The following USP9X variants were observed in gnomAD, a reference collection of about 807,000 sequenced individuals.
The protein encoded by USP9X is ubiquitin specific peptidase 9 X-linked, also known as ubiquitin carboxyl-terminal hydrolase 9X.
In USP9X, 7 loss-of-function variants were observed where a neutral mutation model predicts 190.3. That is an observed-to-expected ratio of 0.04 (90% confidence interval 0.02 to 0.07). The LOEUF (loss-of-function observed/expected upper bound fraction) is 0.07, where lower values mean the gene tolerates loss of function less well. Among genes scored for constraint, USP9X ranks in the 10% least tolerant of loss-of-function variants. The pLI, the probability that USP9X is intolerant of heterozygous loss-of-function variation, is 1.00. For synonymous variants in USP9X, 645 were observed against 659.5 expected (o/e 0.98, Z 0.34); for missense variants, 1,010 against 1,916.9 (o/e 0.53, Z 8.83).
At chrX:41,098,355 G>A (rs1452854304) in intron 1 of USP9X, among the ~76,000 whole-genome samples, 1 of 110,721 alleles carries the variant, frequency 9.0e-6, no homozygotes, top group East Asian at 2.8e-4. Flanking sequence ...GGCCAGGCTG[G>A]TCTCGAACTG....
At chrX:41,104,091 G>A (rs112668885) in intron 1 of USP9X, among the ~76,000 whole-genome samples, 23 of 111,548 alleles carry the variant, frequency 2.1e-4, no homozygotes, top group African/African-American at 6.8e-4. Context: ...TTTTGAGACA[G>A]GTTCTCGCTC....
intron 21 of USP9X, among the ~76,000 whole-genome samples, chrX:41,182,877 G>A (rs2062839829): frequency 9.1e-6 from 1 of 109,926 alleles, no homozygotes; most frequent in Non-Finnish European, 1.9e-5. Context: ...TGAAAAATTT[G>A]TAAGATAATG....
At chrX:41,137,884 T>C (rs769385884) in intron 6 of USP9X, among the ~76,000 whole-genome samples, 2 of 111,085 alleles carry the variant, frequency 1.8e-5, no homozygotes, top group Admixed American at 9.6e-5. Context: ...AATTTTACTT[T>C]TTTTTTTTCT....
rs187338444 is a variant in USP9X, at chrX:41,178,569, A to G, written c.3149-5429A>G. Among the ~76,000 whole-genome samples, 31 of 111,905 alleles carry G rather than the reference A, an allele frequency of 2.8e-4. No homozygotes were observed. In the East Asian group the frequency reaches 8.4e-3, roughly 30 times the overall value. On this transcript the variant is annotated intron_variant, in intron 21 of 44. Transcript: ENST00000378308. ...TTCAAGTCTTTTGCCCATTTTAAAA[A>G]TCGGATTTTTTGCTGTTGAGTTCCT...
intron 35 of USP9X, 146 bp downstream of exon 35, chrX:41,216,798 T>C: frequency 2.9e-6 from 2 of 686,791 alleles, no homozygotes; most frequent in Non-Finnish European, 4.1e-6. Context: ...ATCCCAGCAC[T>C]TTGGGAGGCC....
Position 41,190,925 on chromosome X carries a change from T to A in USP9X, c.3977+1450T>A, listed in dbSNP as rs192452777. Reference sequence around the variant, plus strand: ...TTTGAGTTTTAAGTACCTGATTTTTTATAAATATCTGAATACCTATGTAGG... The same window carrying A: ...TTTGAGTTTTAAGTACCTGATTTTTAATAAATATCTGAATACCTATGTAGG... On this transcript the variant is annotated intron_variant, in intron 26 of 44. Coordinates refer to ENST00000378308, the MANE Select transcript of USP9X (RefSeq NM_001039591.3). Among the ~76,000 whole-genome samples, 716 of 112,057 alleles carry A rather than the reference T, an allele frequency of 6.4e-3. 6 individuals are homozygous for A. Among genetic ancestry groups the A allele is most frequent in the African/African-American group, 0.02 (614 of 30,880 alleles).
chrX:41,125,094 G>A (rs1421803834), intron 2 of USP9X, among the ~76,000 whole-genome samples: 1 of 111,246 alleles, frequency 9.0e-6, no homozygotes, highest in Non-Finnish European at 1.9e-5. Flanking sequence ...TTTTAATTTG[G>A]AGATGGGGTC....
chrX:41,219,005 T>A, intron 37 of USP9X, 97 bp from the exon 38 acceptor site: 3 of 874,254 alleles, frequency 3.4e-6, no homozygotes, highest in Non-Finnish European at 3.1e-6. Flanking sequence ...TCCATAAATG[T>A]ATGCCTGTAT....
chrX:41,197,563 T>G, intron 29 of USP9X, 53 bp downstream of exon 29: 1 of 1,055,209 alleles, frequency 9.5e-7, no homozygotes, highest in Non-Finnish European at 1.3e-6. Flanking sequence ...TCTAAATGTT[T>G]ATAATCAAAT....
intron 14 of USP9X, among the ~76,000 whole-genome samples, chrX:41,160,433 A>G (rs1249350096): frequency 9.0e-6 from 1 of 110,695 alleles, no homozygotes; most frequent in African/African-American, 3.3e-5. Flanking sequence ...TTTATTGATT[A>G]GCTGTCAGCT....
intron 5 of USP9X, among the ~76,000 whole-genome samples, chrX:41,135,976 GATA>G (rs2147032557): frequency 9.0e-6 from 1 of 111,138 alleles, no homozygotes; most frequent in East Asian, 2.8e-4. Context: ...TTGTCAAGCA[GATA>G]ATATTTTTGT....
intron 26 of USP9X, among the ~76,000 whole-genome samples, chrX:41,195,012 T>C (rs1288730018): frequency 1.8e-5 from 2 of 110,903 alleles, no homozygotes; most frequent in African/African-American, 3.3e-5. Flanking sequence ...AGAGAAAATA[T>C]GGTATTGTGA....
intron 41 of USP9X, among the ~76,000 whole-genome samples, chrX:41,227,005 A>G (rs991535510): frequency 8.9e-6 from 1 of 111,790 alleles, no homozygotes; most frequent in African/African-American, 3.3e-5. Flanking sequence ...AGTTAATCAC[A>G]TCTTAGCTCT....
rs373779114 is a variant in USP9X at position 41,163,829 on chromosome X, G to A, written c.1985+952G>A. 7.2e-5 allele frequency among the ~76,000 whole-genome samples: 8 copies of A among 110,772 alleles called. No individual in the cohort carries two copies. The East Asian group carries it at 2.2e-3, about 31-fold the overall frequency. On this transcript the variant is annotated intron_variant, in intron 15 of 44. Coordinates refer to ENST00000378308, the MANE Select transcript of USP9X (RefSeq NM_001039591.3). ...AAGAGCTTGTTTAGATTACAAGTGT[G>A]CTAACAGAAATGCCCAGATTATCAC...
chrX:41,134,294 G>A (rs1448228098), intron 4 of USP9X, among the ~76,000 whole-genome samples: 3 of 112,246 alleles, frequency 2.7e-5, no homozygotes, highest in African/African-American at 9.7e-5. Flanking sequence ...AAGATATAAA[G>A]AAACAGAGAC....
chrX:41,171,790 G>T, intron 20 of USP9X, 48 bp from the exon 21 acceptor site: 1 of 1,173,655 alleles, frequency 8.5e-7, no homozygotes, highest in South Asian at 1.8e-5. Context: ...TTTATAAAAC[G>T]GGAGTAAATA....
intron 38 of USP9X, among the ~76,000 whole-genome samples, chrX:41,220,590 A>C (rs1380557533): frequency 8.9e-6 from 1 of 112,635 alleles, no homozygotes; most frequent in Non-Finnish European, 1.9e-5. Context: ...AGAAATAAAG[A>C]CTATAAGTAG....
chrX:41,209,877 G>A (rs2063143886), intron 32 of USP9X, among the ~76,000 whole-genome samples: 1 of 111,581 alleles, frequency 9.0e-6, no homozygotes, highest in Non-Finnish European at 1.9e-5. Flanking sequence ...ACATTATTCT[G>A]TATATACAAA....
intron 4 of USP9X, among the ~76,000 whole-genome samples, chrX:41,134,357 T>C (rs2063266058): frequency 8.9e-6 from 1 of 112,527 alleles, no homozygotes; most frequent in African/African-American, 3.2e-5. Flanking sequence ...ATTCATTTTA[T>C]TTGATCAAAC....
Sources: gnomAD v4.1 joint callset for allele counts (sites outside exome capture counted in the v4.1 genomes callset) on GRCh38, gnomAD v4.1.1 for gene constraint, MANE v1.5 for transcripts, NCBI Gene and HGNC (gene_info 2026-07-23, HGNC 2026-07-21) for gene names.